The following SUCLG2 variants were observed in gnomAD, a reference collection of about 807,000 sequenced individuals.
The protein encoded by SUCLG2 is succinate--CoA ligase [GDP-forming] subunit beta, mitochondrial.
In SUCLG2, 42 loss-of-function variants were observed where a neutral mutation model predicts 47.9. That is an observed-to-expected ratio of 0.88 (90% confidence interval 0.69 to 1.14). SUCLG2 has a LOEUF of 1.14. SUCLG2 is among the 50% of genes most tolerant of loss of function. SUCLG2 has a pLI of 0.00. For synonymous variants in SUCLG2, 195 were observed against 197.3 expected (o/e 0.99, Z 0.10); for missense variants, 571 against 525.9 (o/e 1.09, Z -0.84).
At chr3:67,418,987 A>T (rs1363654072) in intron 9 of SUCLG2, among the ~76,000 whole-genome samples, 2 of 144,524 alleles carry the variant, frequency 1.4e-5, no homozygotes, top group South Asian at 2.2e-4. Flanking sequence ...TCATGGATTT[A>T]AAAAAAAAAA....
chr3:67,407,466 C>T (rs1407516075), intron 9 of SUCLG2, among the ~76,000 whole-genome samples: 1 of 152,118 alleles, frequency 6.6e-6, no homozygotes, highest in African/African-American at 2.4e-5. Context: ...AACCTGTTAC[C>T]TTTAACAAGT....
At chr3:67,573,181 T>A (rs969855117) in intron 2 of SUCLG2, among the ~76,000 whole-genome samples, 1 of 152,160 alleles carries the variant, frequency 6.6e-6, no homozygotes, top group Non-Finnish European at 1.5e-5. Context: ...AATGGAGAGC[T>A]ATTCCATGTT....
At chr3:67,568,181 G>A (rs1448622245) in intron 2 of SUCLG2, among the ~76,000 whole-genome samples, 1 of 152,136 alleles carries the variant, frequency 6.6e-6, no homozygotes, top group Non-Finnish European at 1.5e-5. Context: ...CTGAAGAAAA[G>A]GGTATTCATG....
intron 1 of SUCLG2, among the ~76,000 whole-genome samples, chr3:67,653,770 A>T (rs1701329511): frequency 1.3e-5 from 2 of 152,194 alleles, no homozygotes; most frequent in South Asian, 2.1e-4. Context: ...GACTATTTTA[A>T]CGCTTGCCAT....
At chr3:67,525,454 C>A (rs185937084) in intron 4 of SUCLG2, among the ~76,000 whole-genome samples, 28 of 152,092 alleles carry the variant, frequency 1.8e-4, no homozygotes, top group African/African-American at 6.0e-4. Flanking sequence ...AAACAGAGAA[C>A]CCCAAAACAG....
chr3:67,548,465 C>T (rs965467007), intron 2 of SUCLG2, among the ~76,000 whole-genome samples: 1 of 152,170 alleles, frequency 6.6e-6, no homozygotes, highest in Non-Finnish European at 1.5e-5. Context: ...TACAGTTAAA[C>T]TCTTCAGTAT....
chr3:67,597,159 G>A (rs1367900089), intron 2 of SUCLG2, among the ~76,000 whole-genome samples: 1 of 152,208 alleles, frequency 6.6e-6, no homozygotes, highest in African/African-American at 2.4e-5. Flanking sequence ...TCAGACAGGA[G>A]GATCAGCCTG....
intron 2 of SUCLG2, among the ~76,000 whole-genome samples, chr3:67,579,706 G>A (rs938103212): frequency 3.9e-5 from 6 of 152,132 alleles, no homozygotes; most frequent in African/African-American, 9.7e-5. Flanking sequence ...ACAAATCAGG[G>A]TGGTGTTAGA....
At chr3:67,541,788 G>T (rs747055491) in intron 2 of SUCLG2, among the ~76,000 whole-genome samples, 1 of 152,124 alleles carries the variant, frequency 6.6e-6, no homozygotes. Context: ...TACCCACAAA[G>T]AGAAGCCCAT....
At chr3:67,577,757 T>C (rs1707780430) in intron 2 of SUCLG2, among the ~76,000 whole-genome samples, 1 of 152,258 alleles carries the variant, frequency 6.6e-6, no homozygotes, top group South Asian at 2.1e-4. Context: ...GAAAGTGGTA[T>C]GCAGCCAGGT....
chr3:67,384,572 C>G (rs1702222510), intron 10 of SUCLG2, among the ~76,000 whole-genome samples: 1 of 152,194 alleles, frequency 6.6e-6, no homozygotes, highest in Non-Finnish European at 1.5e-5. Context: ...ATCCAAATTT[C>G]TGGCCTTGTG....
At chr3:67,402,471 A>G (rs532391703) in intron 9 of SUCLG2, among the ~76,000 whole-genome samples, 1 of 152,384 alleles carries the variant, frequency 6.6e-6, no homozygotes, top group Admixed American at 6.5e-5. Flanking sequence ...CTCCCAGAAA[A>G]GAAATCTCCC....
intron 10 of SUCLG2, among the ~76,000 whole-genome samples, chr3:67,388,260 A>T (rs1468177667): frequency 1.3e-5 from 2 of 152,202 alleles, no homozygotes; most frequent in African/African-American, 4.8e-5. Flanking sequence ...TCTTTCCACT[A>T]TTATAGCTCC....
intron 9 of SUCLG2, among the ~76,000 whole-genome samples, chr3:67,450,558 T>G (rs1704032223): frequency 6.6e-6 from 1 of 152,230 alleles, no homozygotes; most frequent in South Asian, 2.1e-4. Flanking sequence ...AATTGAACAG[T>G]GAACACCTAT....
intron 9 of SUCLG2, among the ~76,000 whole-genome samples, chr3:67,490,916 C>G (rs1705185708): frequency 1.3e-5 from 2 of 152,104 alleles, no homozygotes; most frequent in Non-Finnish European, 2.9e-5. Context: ...ATTGAAAAGA[C>G]TAACCAGTAG....
intron 5 of SUCLG2, among the ~76,000 whole-genome samples, chr3:67,520,057 C>G (rs111386979): frequency 7.9e-5 from 12 of 152,258 alleles, no homozygotes; most frequent in African/African-American, 2.9e-4. Context: ...TGAGAGAACT[C>G]AAGACAGTTT....
rs573806231 is a variant in SUCLG2, at chr3:67,499,720, G to GTTTGTTTATTTATTTA, written c.758-1426_758-1425insTAAATAAATAAACAAA. Among the ~76,000 whole-genome samples, 18 of 150,856 alleles carry GTTTGTTTATTTATTTA rather than the reference G, an allele frequency of 1.2e-4. 1 individual carries two copies. Among genetic ancestry groups the GTTTGTTTATTTATTTA allele is most frequent in the African/African-American group, 4.2e-4 (17 of 40,810 alleles). On this transcript the variant is annotated intron_variant, in intron 7 of 10. Coordinates refer to ENST00000307227, the MANE Select transcript of SUCLG2 (RefSeq NM_003848.4). ...ATGTCATCATAATGTTTGTTTGTTT[G>GTTTGTTTATTTATTTA]TTTATTTATTTATTTATTTATTTAT... is the stretch of plus-strand genomic sequence containing the variant.
chr3:67,419,006 A>C (rs1462848722), intron 9 of SUCLG2, among the ~76,000 whole-genome samples: 1 of 152,118 alleles, frequency 6.6e-6, no homozygotes, highest in African/African-American at 2.4e-5. Flanking sequence ...AAAGGTCTGC[A>C]CAATGTTAGG....
At chr3:67,519,004 A>T (rs1706025654) in intron 5 of SUCLG2, among the ~76,000 whole-genome samples, 1 of 152,110 alleles carries the variant, frequency 6.6e-6, no homozygotes, top group African/African-American at 2.4e-5. Flanking sequence ...CTGCAGTATG[A>T]GTACAGCAGG....
Sources: gnomAD v4.1 joint callset for allele counts (sites outside exome capture counted in the v4.1 genomes callset) on GRCh38, gnomAD v4.1.1 for gene constraint, MANE v1.5 for transcripts, NCBI Gene and HGNC (gene_info 2026-07-23, HGNC 2026-07-21) for gene names.